The following DAB1 variants were observed in gnomAD, a reference collection of about 807,000 sequenced individuals.
The protein encoded by DAB1 is disabled homolog 1.
Under a neutral mutation model 64.6 loss-of-function variants are expected in DAB1, and 15 were observed. The ratio of observed to expected loss-of-function variants is 0.23; its 90% confidence interval spans 0.16 to 0.36. DAB1 has a LOEUF of 0.36. Ranked by LOEUF, DAB1 falls within the 10% of genes least tolerant of loss-of-function variation. The pLI is 1.00. For synonymous variants in DAB1, 235 were observed against 251.9 expected (o/e 0.93, Z 0.64); for missense variants, 596 against 706.7 (o/e 0.84, Z 1.78).
At chr1:57,046,168 C>T (rs1009224625) in intron 9 of DAB1, among the ~76,000 whole-genome samples, 5 of 152,156 alleles carry the variant, frequency 3.3e-5, no homozygotes, top group Non-Finnish European at 5.9e-5. Context: ...GCAGATCTAT[C>T]GAATTGGGGC....
chr1:57,743,625 G>C (rs1412997432), intron 6 of DAB1, among the ~76,000 whole-genome samples: 1 of 152,190 alleles, frequency 6.6e-6, no homozygotes, highest in Admixed American at 6.5e-5. Context: ...CACCCATGGA[G>C]AACGTGTTTG....
chr1:57,284,608 C>G (rs1473252037), intron 2 of DAB1, among the ~76,000 whole-genome samples: 4 of 152,144 alleles, frequency 2.6e-5, no homozygotes, highest in African/African-American at 9.7e-5. Context: ...CCCCAGGCTG[C>G]CTCCTCTGCA....
At chr1:57,879,664 G>A (rs1428909121) in intron 1 of DAB1, among the ~76,000 whole-genome samples, 1 of 152,132 alleles carries the variant, frequency 6.6e-6, no homozygotes, top group Admixed American at 6.6e-5. Context: ...TTATGTGGGT[G>A]TGGGCTTATG....
chr1:57,028,572 G>C (rs1258719667), intron 9 of DAB1, among the ~76,000 whole-genome samples: 1 of 152,196 alleles, frequency 6.6e-6, no homozygotes, highest in East Asian at 1.9e-4. Context: ...ATGTGAGAAA[G>C]TTTGGAACTT....
chr1:57,303,447 C>T (rs768669078), intron 1 of DAB1, among the ~76,000 whole-genome samples: 1 of 152,294 alleles, frequency 6.6e-6, no homozygotes, highest in Non-Finnish European at 1.5e-5. Flanking sequence ...ACAGCTCAGC[C>T]TGGCAGAAAG....
intron 4 of DAB1, among the ~76,000 whole-genome samples, chr1:57,114,567 A>G (rs1260376529): frequency 2.0e-5 from 3 of 152,366 alleles, no homozygotes; most frequent in African/African-American, 7.2e-5. Flanking sequence ...CAAGAAGTCA[A>G]TCAGGTGTAT....
intron 7 of DAB1, among the ~76,000 whole-genome samples, chr1:57,565,997 T>C (rs577308120): frequency 6.6e-6 from 1 of 152,208 alleles, no homozygotes; most frequent in Non-Finnish European, 1.5e-5. Context: ...CACATTGCAC[T>C]TATTCCAAAA....
At chr1:57,324,412 T>C (rs776399614) in intron 1 of DAB1, among the ~76,000 whole-genome samples, 16 of 152,352 alleles carry the variant, frequency 1.1e-4, no homozygotes, top group African/African-American at 3.6e-4. Flanking sequence ...GGTATCATTT[T>C]ATCTGTTTAT....
At chr1:57,886,463 C>T (rs1005005539), upstream of DAB1, among the ~76,000 whole-genome samples, 1 of 152,170 alleles carries the variant, frequency 6.6e-6, no homozygotes, top group African/African-American at 2.4e-5. Flanking sequence ...GCATATTCTG[C>T]TACTGTTAAC....
intron 2 of DAB1, among the ~76,000 whole-genome samples, chr1:57,166,410 G>A (rs574262230): frequency 9.9e-5 from 15 of 152,248 alleles, no homozygotes; most frequent in African/African-American, 3.6e-4. Context: ...GTATAACCTC[G>A]AGGAATTTAC....
chr1:58,205,908 GCCAA>G (rs1658251327), intron 4 of DAB1, among the ~76,000 whole-genome samples: 2 of 152,180 alleles, frequency 1.3e-5, no homozygotes, highest in African/African-American at 4.8e-5. Context: ...GTTAGTCAAT[GCCAA>G]GTTCATATCC....
At chr1:58,172,501 CCTT>C (rs1207794953) in intron 4 of DAB1, among the ~76,000 whole-genome samples, 8 of 152,208 alleles carry the variant, frequency 5.3e-5, no homozygotes, top group African/African-American at 1.9e-4. Context: ...AGGTGCTACT[CCTT>C]GAGGGACCAG....
At chr1:57,934,274 A>C (rs1644996213) in intron 5 of DAB1, among the ~76,000 whole-genome samples, 1 of 152,120 alleles carries the variant, frequency 6.6e-6, no homozygotes, top group Non-Finnish European at 1.5e-5. Context: ...GTGGTAGCTC[A>C]TTGTGAGAAA....
intron 2 of DAB1, among the ~76,000 whole-genome samples, chr1:57,206,543 C>T (rs1238855073): frequency 6.6e-6 from 1 of 152,150 alleles, no homozygotes; most frequent in Non-Finnish European, 1.5e-5. Context: ...CTGTCTCTTC[C>T]CATTTGTTCT....
chr1:58,033,960 G>A (rs930376251), intron 5 of DAB1, among the ~76,000 whole-genome samples: 8 of 152,136 alleles, frequency 5.3e-5, no homozygotes, highest in African/African-American at 9.7e-5. Context: ...AAGGAGTGGC[G>A]AGAGTTGTAA....
chr1:57,983,708 A>G (rs932970792), intron 5 of DAB1, among the ~76,000 whole-genome samples: 6 of 152,224 alleles, frequency 3.9e-5, no homozygotes, highest in African/African-American at 1.2e-4. Context: ...TGTCTCACAC[A>G]GGGACTTGAA....
At chr1:57,033,137 G>C (rs1264154830) in intron 9 of DAB1, among the ~76,000 whole-genome samples, 1 of 151,462 alleles carries the variant, frequency 6.6e-6, no homozygotes, top group African/African-American at 2.4e-5. Flanking sequence ...TGAAAAGAAG[G>C]GGTGCTATCT....
chr1:57,559,732 A>AGAAACCCCACATCGGCTCCCTGACT (rs1392022964), intron 7 of DAB1, among the ~76,000 whole-genome samples: 2 of 152,232 alleles, frequency 1.3e-5, no homozygotes, highest in African/African-American at 4.8e-5. Flanking sequence ...AGCAGCTGGC[A>AGAAACCCCACATCGGCTCCCTGACT]GAAACCCCAC....
chr1:58,356,982 T>C (rs573519151), intron 3 of DAB1, among the ~76,000 whole-genome samples: 18 of 143,238 alleles, frequency 1.3e-4, no homozygotes, highest in Admixed American at 1.1e-3. Context: ...GCCGTGATTG[T>C]ACCACTTCAC....
Sources: allele counts gnomAD v4.1 joint callset (sites outside exome capture counted in the v4.1 genomes callset), GRCh38; gene constraint gnomAD v4.1.1; transcripts MANE v1.5; gene names NCBI Gene and HGNC (gene_info 2026-07-23, HGNC 2026-07-21).